The following AIG1 variants were observed in gnomAD, a reference collection of about 807,000 sequenced individuals.
The protein encoded by AIG1 is androgen induced 1.
AIG1 carries 23 observed loss-of-function variants against 31.4 expected under a neutral mutation model. The observed-to-expected ratio is 0.73, with a 90% CI of 0.53 to 1.04. The LOEUF (loss-of-function observed/expected upper bound fraction) is 1.04, where lower values mean the gene tolerates loss of function less well. AIG1 is among the 50% of genes least tolerant of loss of function. The pLI is 0.00. For missense variants in AIG1, 274 were observed against 295.0 expected (o/e 0.93, Z 0.52); for synonymous variants, 100 against 110.5 (o/e 0.90, Z 0.60).
At chr6:143,177,008 G>A (rs748932554) in intron 3 of AIG1, among the ~76,000 whole-genome samples, 13 of 152,018 alleles carry the variant, frequency 8.6e-5, no homozygotes, top group Non-Finnish European at 1.8e-4. Context: ...TTTTTCCCCC[G>A]CATTCTCCCT....
intron 3 of AIG1, among the ~76,000 whole-genome samples, chr6:143,171,444 T>A (rs1164532475): frequency 1.4e-5 from 1 of 72,988 alleles, no homozygotes; most frequent in African/African-American, 7.7e-5. Flanking sequence ...ATATATATAA[T>A]ATATATATTT....
rs142927928 is a variant in AIG1, at chr6:143,180,391, A to G, written c.399+15208A>G. On this transcript the variant is annotated intron_variant, in intron 3 of 5. Transcript: ENST00000357847. ...CCAACAGCATAGTCCCCAAAGGGCC[A>G]TTTTCAGTTTGACAAGGAGAAGCAC... is the stretch of plus-strand genomic sequence containing the variant. 3.1e-3 allele frequency among the ~76,000 whole-genome samples: 475 copies of G among 152,296 alleles called. 2 individuals carry two copies. Among genetic ancestry groups the G allele is most frequent in the African/African-American group, 0.011 (452 of 41,564 alleles).
At chr6:143,196,856 C>A (rs1010172793) in intron 3 of AIG1, among the ~76,000 whole-genome samples, 3 of 152,166 alleles carry the variant, frequency 2.0e-5, no homozygotes, top group Non-Finnish European at 2.9e-5. Context: ...AAAAAAAACT[C>A]TTCAGGAGCA....
At chr6:143,332,888 C>T (rs1272616178) in intron 4 of AIG1, among the ~76,000 whole-genome samples, 3 of 152,068 alleles carry the variant, frequency 2.0e-5, no homozygotes, top group Non-Finnish European at 4.4e-5. Flanking sequence ...AGACTGAAGA[C>T]CACATGGGGT....
intron 1 of AIG1, among the ~76,000 whole-genome samples, chr6:143,108,758 A>G (rs1161221051): frequency 6.6e-6 from 1 of 152,116 alleles, no homozygotes; most frequent in Non-Finnish European, 1.5e-5. Flanking sequence ...TATCCTGTTT[A>G]TTTGTTTATA....
intron 2 of AIG1, among the ~76,000 whole-genome samples, chr6:143,138,944 C>T (rs981504245): frequency 6.6e-6 from 1 of 150,878 alleles, no homozygotes; most frequent in African/African-American, 2.4e-5. Context: ...CATGTTTTCT[C>T]TTAGCTCCCT....
At position 143,280,275 on chromosome 6, in the gene AIG1, T is replaced by C. The variant is rs1314836122; in HGVS notation, c.400-3835T>C. Among the ~76,000 whole-genome samples the C allele has an allele frequency of 6.6e-6, 1 of 152,172 alleles. No individual in the cohort carries two copies. Among genetic ancestry groups the C allele is most frequent in the Non-Finnish European group, 1.5e-5 (1 of 68,038 alleles). On this transcript the variant is annotated intron_variant, in intron 3 of 5. Coordinates refer to ENST00000357847, the MANE Select transcript of AIG1 (RefSeq NM_016108.4). The surrounding 1 kb of genome is among the most constrained non-coding windows in gnomAD (Gnocchi z 4.1). ...AAAGGGAACACTTATACACTGTTGG[T>C]GGGAGTGTAATTCAACCCATTGTTG...
At chr6:143,263,024 G>T (rs1483038800) in intron 3 of AIG1, among the ~76,000 whole-genome samples, 1 of 152,116 alleles carries the variant, frequency 6.6e-6, no homozygotes, top group Admixed American at 6.5e-5. Flanking sequence ...ATTTGTTAGG[G>T]CACTGATGTC....
At chr6:143,060,626 C>T (rs78059507), upstream of AIG1, 163 of 456,448 alleles carry the variant, frequency 3.6e-4, no homozygotes, top group East Asian at 8.7e-3. Flanking sequence ...TCCCGGGACC[C>T]TGCGAACGCA....
intron 5 of AIG1, among the ~76,000 whole-genome samples, chr6:143,335,881 G>T (rs1157652473): frequency 6.7e-6 from 1 of 149,962 alleles, no homozygotes; most frequent in Admixed American, 6.7e-5. Flanking sequence ...CCTGGAGGCA[G>T]AGGTTGCAGT....
At chr6:143,082,308 T>C (rs1030473873) in intron 1 of AIG1, among the ~76,000 whole-genome samples, 1 of 152,164 alleles carries the variant, frequency 6.6e-6, no homozygotes, top group Non-Finnish European at 1.5e-5. Context: ...ACAAAGGAGC[T>C]TCCATCAGTA....
intron 3 of AIG1, among the ~76,000 whole-genome samples, chr6:143,170,029 A>T (rs1787339603): frequency 6.6e-6 from 1 of 151,980 alleles, no homozygotes; most frequent in South Asian, 2.1e-4. Flanking sequence ...CTCATCAGAG[A>T]TATTGGCCTA....
At chr6:143,233,949 A>C (rs1453498690) in intron 3 of AIG1, among the ~76,000 whole-genome samples, 2 of 152,242 alleles carry the variant, frequency 1.3e-5, no homozygotes, top group Non-Finnish European at 2.9e-5. Context: ...TAGTTTGCCA[A>C]GTTAGTAAAT....
At chr6:143,188,842 C>T in intron 3 of AIG1, 1 of 985,178 alleles carries the variant, frequency 1.0e-6, no homozygotes. Context: ...CCTTTTTACA[C>T]TGCCTGGGAT....
intron 1 of AIG1, among the ~76,000 whole-genome samples, chr6:143,113,988 A>G (rs1781524936): frequency 1.3e-5 from 2 of 152,002 alleles, no homozygotes; most frequent in Admixed American, 1.3e-4. Context: ...GTTAGGCAGG[A>G]TGGTCTTGAT....
chr6:143,200,305 A>G (rs7745568), intron 3 of AIG1, among the ~76,000 whole-genome samples: 38,627 of 152,038 alleles, frequency 0.25, 5,216 homozygotes, highest in East Asian at 0.51. Context: ...TTGGAGTAGA[A>G]AATGGAAATT....
chr6:143,289,783 T>C (rs955305137), intron 4 of AIG1, among the ~76,000 whole-genome samples: 1 of 152,210 alleles, frequency 6.6e-6, no homozygotes, highest in Non-Finnish European at 1.5e-5. Context: ...AATAAGAGTG[T>C]ACTCAAATTT....
At position 143,215,431 on chromosome 6, in the gene AIG1, A is replaced by G. The variant is rs6934609; in HGVS notation, c.399+50248A>G. Among the ~76,000 whole-genome samples, 1,434 of 152,302 alleles carry G rather than the reference A, an allele frequency of 9.4e-3. 27 individuals carry two copies. The highest frequency in any genetic ancestry group is 0.032 in the African/African-American group (1,344 of 41,530). On this transcript the variant is annotated intron_variant, in intron 3 of 5. Coordinates refer to ENST00000357847, the MANE Select transcript of AIG1 (RefSeq NM_016108.4). ...TGTGGCCACCAACAATAAAACACACAAACAAAAAACAGTATTTTCCAGTGC... is the reference window on the plus strand; with the variant it reads ...TGTGGCCACCAACAATAAAACACACGAACAAAAAACAGTATTTTCCAGTGC...
chr6:143,314,149 G>A (rs1469336176), intron 4 of AIG1, among the ~76,000 whole-genome samples: 4 of 115,296 alleles, frequency 3.5e-5, no homozygotes, highest in South Asian at 2.6e-4. Context: ...AGGAGTTCAA[G>A]ATCAGCCTGG....
Sources: gnomAD v4.1 joint callset for allele counts (sites outside exome capture counted in the v4.1 genomes callset) on GRCh38, gnomAD v4.1.1 for gene constraint, Gnocchi (gnomAD v3.1) non-coding constraint, MANE v1.5 for transcripts, NCBI Gene and HGNC (gene_info 2026-07-23, HGNC 2026-07-21) for gene names.